Variants in DNAH17 observed in about 807,000 individuals in gnomAD.
DNAH17 encodes axonemal beta dynein heavy chain 17.
In DNAH17, 376 loss-of-function variants were observed where a neutral mutation model predicts 485.6. That is an observed-to-expected ratio of 0.77 (90% CI 0.71 to 0.84). The LOEUF (loss-of-function observed/expected upper bound fraction) is 0.84. DNAH17 is among the 40% of genes least tolerant of loss of function. DNAH17 has a pLI of 0.00. For missense variants in DNAH17, 6,370 were observed against 5,839.3 expected, an observed-to-expected ratio of 1.09 and a Z score of -2.96; for synonymous variants, 3,031 against 2,405.9, an observed-to-expected ratio of 1.26 and a Z score of -7.60.
At position 78,450,236 on chromosome 17, in the gene DNAH17, C is replaced by G. The variant is rs774053437; in HGVS notation, c.11040+18G>C. ...CCCCACCTTGAGGGAGGCACCCAGC[C>G]CCAGCTGCAGGGCGCACCTTGAGGG... On this transcript the variant is annotated intron_variant, in intron 68 of 80. Coordinates refer to ENST00000389840, the MANE Select transcript of DNAH17 (RefSeq NM_173628.4). 16 of 1,612,844 alleles carry G rather than the reference C, an allele frequency of 9.9e-6. No individual in the cohort carries two copies. The African/African-American group carries it at 2.0e-4, about 20-fold the overall frequency.
At position 78,550,060 on chromosome 17, in the gene DNAH17, C is replaced by T. The variant is rs540348936; in HGVS notation, c.2391+1475G>A. 1.8e-4 allele frequency among the ~76,000 whole-genome samples: 27 copies of T among 152,242 alleles called. No homozygotes were observed. In the East Asian group the frequency reaches 5.2e-3, roughly 29 times the overall value. On this transcript the variant is annotated intron_variant, in intron 16 of 80. Transcript: ENST00000389840. ...TGCAGAGACAGACAAGAGACCTGGC[C>T]CCCAGACCTGAGACACTGGGGAAAT...
rs780944853 is a variant in DNAH17 at position 78,505,395 on chromosome 17, G to A, written c.4854C>T (p.Phe1618=). 2.5e-6 allele frequency: 4 copies of A among 1,614,012 alleles called. No homozygotes were observed. The highest frequency in any genetic ancestry group is 3.4e-6 in the Non-Finnish European group (4 of 1,179,896). Residue 1618 remains phenylalanine, a synonymous_variant, in exon 31 of 81, where the codon TTC becomes TTT. Transcript: ENST00000389840. The part of the protein sequence containing the change: ...KLFDSLCKLK[F]RLDASDKPLK... ...GAGGTTTGTCACTGGCATCGAGCCG[G>A]AACTTCAGTTTACACAGGCTATCGA...
chr17:78,494,540 A>G, intron 40 of DNAH17, 53 bp downstream of exon 40: 1 of 1,568,902 alleles, frequency 6.4e-7, no homozygotes, highest in Non-Finnish European at 8.7e-7. Context: ...GTGGGAAGGA[A>G]GCCCCAGCCA....
At chr17:78,538,999 G>A (rs967088769) in intron 18 of DNAH17, among the ~76,000 whole-genome samples, 3 of 152,174 alleles carry the variant, frequency 2.0e-5, no homozygotes, top group Non-Finnish European at 4.4e-5. Flanking sequence ...TTGGGAGGCC[G>A]AGGTTGGTCG....
At chr17:78,471,599 C>T (rs1273611371) in intron 54 of DNAH17, among the ~76,000 whole-genome samples, 1 of 152,190 alleles carries the variant, frequency 6.6e-6, no homozygotes, top group Non-Finnish European at 1.5e-5. Context: ...ATGATCATAG[C>T]TTATTGCAGC....
rs1003355223 is a variant in DNAH17 at position 78,459,186 on chromosome 17, A to G, written c.9676T>C (p.Phe3226Leu). The change falls in exon 61 of 81, where the codon TTC (phenylalanine) becomes CTC (leucine). Residue 3226 changes from phenylalanine to leucine, a missense_variant. Phe to Leu is a conservative substitution (Grantham distance 22). Coordinates refer to ENST00000389840, the MANE Select transcript of DNAH17 (RefSeq NM_173628.4). Reference sequence around the variant, plus strand: ...TTGGAGCGGATGAACTCGGGGTCGAACGTCGGGTTGCCTTGGTAGGGCCTA... The same window carrying G: ...TTGGAGCGGATGAACTCGGGGTCGAGCGTCGGGTTGCCTTGGTAGGGCCTA... ...AFKPYQGNPT[F>L]DPEFIRSKST... is the part of the protein sequence containing the mutation. 3 of 1,613,888 alleles carry G rather than the reference A, an allele frequency of 1.9e-6. No homozygotes were observed. The Admixed American group carries it at 5.0e-5, about 27-fold the overall frequency.
intron 37 of DNAH17, among the ~76,000 whole-genome samples, chr17:78,497,503 C>A (rs1267847435): frequency 1.3e-5 from 2 of 152,210 alleles, no homozygotes; most frequent in African/African-American, 4.8e-5. Flanking sequence ...ACATTCAGTG[C>A]CCAGAGTAGG....
intron 14 of DNAH17, 62 bp downstream of exon 14, chr17:78,558,046 C>G (rs1290008158): frequency 6.5e-7 from 1 of 1,535,978 alleles, no homozygotes; most frequent in East Asian, 2.3e-5. Flanking sequence ...CACAAACAAA[C>G]TTGACAAAAA....
chr17:78,494,553 C>T (rs768434251), intron 40 of DNAH17, 40 bp downstream of exon 40: 7 of 1,590,736 alleles, frequency 4.4e-6, no homozygotes, highest in South Asian at 3.3e-5. Flanking sequence ...CCCAGCCAGG[C>T]AGGCTTCTCC....
At chr17:78,522,581 G>A in intron 25 of DNAH17, 1 of 284,034 alleles carries the variant, frequency 3.5e-6, no homozygotes, top group Non-Finnish European at 6.9e-6. Flanking sequence ...AACGCAGGCA[G>A]CCACTGGGCC....
At position 78,450,796 on chromosome 17, in the gene DNAH17, C is replaced by T. The variant is rs1160103093; in HGVS notation, c.10785G>A (p.Leu3595=). 4 of 1,614,074 alleles carry T rather than the reference C, an allele frequency of 2.5e-6. No homozygotes were observed. Among genetic ancestry groups the T allele is most frequent in the South Asian group, 1.1e-5 (1 of 91,084 alleles). ...QNEFKIVLKE[L]EDSLLARLSA... is the part of the protein sequence containing the mutation. ...ACAGACGGGCCAGGAGCGAATCTTC[C>T]AGCTCTTTCAGAACAATCTTAAATT... Residue 3595 remains leucine, a synonymous_variant, in exon 67 of 81, where the codon CTG becomes CTA. Coordinates refer to ENST00000389840, the MANE Select transcript of DNAH17 (RefSeq NM_173628.4).
At chr17:78,564,242 G>A (rs9914794) in intron 11 of DNAH17, among the ~76,000 whole-genome samples, 2,262 of 152,212 alleles carry the variant, frequency 0.015, 53 homozygotes, top group African/African-American at 0.052. Flanking sequence ...GCCCAGACCC[G>A]TACGCTGGTC....
rs925553528 is a variant in DNAH17 at position 78,433,964 on chromosome 17, G to A, written c.12225+65C>T. The A allele has an allele frequency of 4.5e-6, 6 of 1,323,462 alleles. No homozygotes were observed. The South Asian group carries it at 7.5e-5, about 17-fold the overall frequency. 82.0% of individuals were successfully genotyped at this position (1,323,462 alleles called of 1,614,324 possible). A position where few individuals can be genotyped will look rare whatever the true frequency, so the allele number is the denominator to read the frequency against. On this transcript the variant is annotated intron_variant, in intron 75 of 80. Transcript: ENST00000389840. ...AGGAGGGAGGGAAGGAGGGAGGGAA[G>A]GAGGGAGGGAAGGAGGGAAAGAGGG... is the stretch of plus-strand genomic sequence containing the variant.
chr17:78,425,600 A>G lies in DNAH17; in HGVS notation c.12916-29T>C, dbSNP rs186989039. ...CAAGGACACACGAGCCGCTAGGAGG[A>G]GAGGACATAGAATGACATGGGAACG... On this transcript the variant is annotated intron_variant, in intron 79 of 80. Coordinates refer to ENST00000389840, the MANE Select transcript of DNAH17 (RefSeq NM_173628.4). 14 of 1,569,128 alleles carry G rather than the reference A, an allele frequency of 8.9e-6. No homozygotes were observed. In the East Asian group the frequency reaches 1.6e-4, roughly 18 times the overall value.
intron 9 of DNAH17, 138 bp downstream of exon 9, chr17:78,569,028 C>T (rs952097064): frequency 1.4e-6 from 1 of 711,836 alleles, no homozygotes; most frequent in Non-Finnish European, 2.4e-6. Context: ...TTGGTTTCCT[C>T]ATAACAGATA....
At position 78,495,930 on chromosome 17, in the gene DNAH17, T is replaced by G. The variant is rs1253197215; in HGVS notation, c.5848A>C (p.Asn1950His). 6.2e-7 allele frequency: 1 copy of G among 1,614,012 alleles called. No homozygotes were observed. The highest frequency in any genetic ancestry group is 1.7e-5 in the Admixed American group (1 of 60,026). Residue 1950 changes from asparagine to histidine, a missense_variant, in exon 38 of 81, where the codon AAC becomes CAC. By Grantham distance (68) the Asn-to-His change is moderately conservative. Coordinates refer to ENST00000389840, the MANE Select transcript of DNAH17 (RefSeq NM_173628.4). Reference sequence around the variant, plus strand: ...TCCGCGCGTCCGGCGTACCCAGGGTTCATGGTGATGAAGATACCGACGGTG... The same window carrying G: ...TCCGCGCGTCCGGCGTACCCAGGGTGCATGGTGATGAAGATACCGACGGTG... ...IPTVGIFITM[N>H]PGYAGRAELP... is the part of the protein sequence containing the mutation.
In DNAH17 at chr17:78,448,943, C is replaced by T. The variant is rs690951; in HGVS notation, c.11211+471G>A. Reference sequence around the variant, plus strand: ...TCAGCCTTGGGTATTCTGTTATAGCCGCACAAAACAAATTAAGACAGGCTG... The same window carrying T: ...TCAGCCTTGGGTATTCTGTTATAGCTGCACAAAACAAATTAAGACAGGCTG... On this transcript the variant is annotated intron_variant, in intron 69 of 80. Coordinates refer to ENST00000389840, the MANE Select transcript of DNAH17 (RefSeq NM_173628.4). 3.9e-5 allele frequency among the ~76,000 whole-genome samples: 6 copies of T among 152,162 alleles called. No homozygotes were observed. The East Asian group carries it at 5.8e-4, about 15-fold the overall frequency.
chr17:78,566,029 G>A (rs1400672694), intron 11 of DNAH17, among the ~76,000 whole-genome samples: 1 of 152,042 alleles, frequency 6.6e-6, no homozygotes, highest in Non-Finnish European at 1.5e-5. Context: ...AGACCCCAGA[G>A]ACCTCCCTTG....
At chr17:78,528,771 T>A (rs533364266) in intron 22 of DNAH17, among the ~76,000 whole-genome samples, 1 of 152,108 alleles carries the variant, frequency 6.6e-6, no homozygotes, top group East Asian at 1.9e-4. Context: ...CAGCTGAGGT[T>A]CTTTGAATTC....
Sources: gnomAD v4.1 joint callset for allele counts (sites outside exome capture counted in the v4.1 genomes callset) on GRCh38, gnomAD v4.1.1 for gene constraint, MANE v1.5 for transcripts, NCBI Gene and HGNC (gene_info 2026-07-23, HGNC 2026-07-21) for gene names.